CLVS1: variants seen among roughly 807,000 people sequenced by gnomAD.
CLVS1 encodes the protein clavesin 1.
In CLVS1, 10 loss-of-function variants were observed where a neutral mutation model predicts 33.1. The ratio of observed to expected loss-of-function variants is 0.30; its 90% CI spans 0.19 to 0.51. The LOEUF is 0.51. Ranked by LOEUF, CLVS1 falls within the 20% of genes least tolerant of loss-of-function variation. The probability of loss-of-function intolerance (pLI) is 0.97; values close to 1 mark genes in which losing one functional copy is unlikely to be tolerated. For synonymous variants in CLVS1, 163 were observed against 166.1 expected (o/e 0.98, Z 0.14); for missense variants, 343 against 433.4 (o/e 0.79, Z 1.85).
At chr8:61,098,402 G>GATATAT (rs59671943) in intron 1 of CLVS1, among the ~76,000 whole-genome samples, 1,458 of 143,948 alleles carry the variant, frequency 0.01, 17 homozygotes, top group African/African-American at 0.03. Context: ...TAGGGAAACT[G>GATATAT]ATATATATAT....
chr8:61,288,363 G>A, intron 1 of CLVS1: 1 of 430,342 alleles, frequency 2.3e-6, no homozygotes, highest in Non-Finnish European at 4.7e-6. Context: ...TTACACATCA[G>A]CACCCCCATC....
At chr8:61,250,223 G>T (rs1383517849) in intron 2 of CLVS1, among the ~76,000 whole-genome samples, 1 of 152,106 alleles carries the variant, frequency 6.6e-6, no homozygotes, top group Non-Finnish European at 1.5e-5. Context: ...AGATCAGATG[G>T]TTGTAGATGT....
At chr8:61,381,746 A>G (rs570322548) in intron 3 of CLVS1, among the ~76,000 whole-genome samples, 10 of 152,244 alleles carry the variant, frequency 6.6e-5, no homozygotes, top group African/African-American at 2.4e-4. Context: ...ATTTGCATCC[A>G]TGTTGCTGCA....
intron 2 of CLVS1, among the ~76,000 whole-genome samples, chr8:61,351,495 G>A (rs890325926): frequency 6.6e-6 from 1 of 152,074 alleles, no homozygotes; most frequent in African/African-American, 2.4e-5. Flanking sequence ...ATTCCAGAGG[G>A]AAAAGAGGGA....
the CLVS1 span, among the ~76,000 whole-genome samples, chr8:61,032,035 A>AT: frequency 6.6e-6 from 1 of 152,232 alleles, no homozygotes; most frequent in Non-Finnish European, 1.5e-5. Context: ...CAGGATCTTC[A>AT]TGTAAGTTCA....
intron 2 of CLVS1, among the ~76,000 whole-genome samples, chr8:61,168,172 C>T (rs114964215): frequency 0.026 from 3,995 of 152,272 alleles, 166 homozygotes; most frequent in African/African-American, 0.09. Context: ...TCTAACAACC[C>T]TGAGATCCCC....
At chr8:61,397,278 C>T (rs1814565375) in intron 3 of CLVS1, among the ~76,000 whole-genome samples, 1 of 152,042 alleles carries the variant, frequency 6.6e-6, no homozygotes, top group Non-Finnish European at 1.5e-5. Flanking sequence ...TGTGGTTTTG[C>T]TTTGCACTTT....
At chr8:60,970,994 GTTAT>G in the CLVS1 span, among the ~76,000 whole-genome samples, 1 of 147,556 alleles carries the variant, frequency 6.8e-6, no homozygotes, top group Non-Finnish European at 1.5e-5. Flanking sequence ...CTTCAGCTGA[GTTAT>G]TTATTTATAT....
chr8:60,969,579 T>G, the CLVS1 span, among the ~76,000 whole-genome samples: 1 of 152,184 alleles, frequency 6.6e-6, no homozygotes, highest in Admixed American at 6.5e-5. Flanking sequence ...AACTCAGTTT[T>G]TAAGGTTTCT....
intron 5 of CLVS1, among the ~76,000 whole-genome samples, chr8:61,471,238 C>T (rs987237241): frequency 1.3e-5 from 2 of 152,172 alleles, no homozygotes; most frequent in Admixed American, 6.5e-5. Context: ...CAAGAGCTCC[C>T]GGCTTGCTGT....
intron 2 of CLVS1, among the ~76,000 whole-genome samples, chr8:61,352,154 A>G (rs1001544430): frequency 2.2e-4 from 33 of 152,130 alleles, no homozygotes; most frequent in African/African-American, 7.7e-4. Context: ...CTTTAATGGT[A>G]ATGAAGCTTC....
intron 5 of CLVS1, among the ~76,000 whole-genome samples, chr8:61,477,968 G>C (rs886355190): frequency 1.4e-5 from 2 of 146,484 alleles, no homozygotes; most frequent in African/African-American, 5.5e-5. Flanking sequence ...ACACTGCTTT[G>C]AATGTGTCCC....
Position 61,299,904 on chromosome 8 carries a change from T to G in CLVS1, c.77T>G (p.Leu26Ter). ...GGAGATTTGGCCAAGATGACCCATTTACAGGCTGGACTCAGTCCAGAGACT... is the reference window on the plus strand; with the variant it reads ...GGAGATTTGGCCAAGATGACCCATTGACAGGCTGGACTCAGTCCAGAGACT... ...WNGDLAKMTH[L>*]QAGLSPETIE... is the part of the protein sequence containing the mutation. Residue 26 changes from leucine to a stop codon, truncating the protein, a stop_gained, in exon 2 of 6, where the codon TTA (leucine) becomes TGA (stop). Coordinates refer to ENST00000325897, the MANE Select transcript of CLVS1 (RefSeq NM_173519.3). LOFTEE classifies it high-confidence loss of function. 6.2e-7 allele frequency: 1 copy of G among 1,614,008 alleles called. No homozygotes were observed.
chr8:61,076,784 C>T (rs938561114), intron 1 of CLVS1, among the ~76,000 whole-genome samples: 2 of 152,126 alleles, frequency 1.3e-5, no homozygotes, highest in African/African-American at 2.4e-5. Context: ...TGCTGCACCA[C>T]CCCTGATATT....
At chr8:61,010,806 C>G in the CLVS1 span, among the ~76,000 whole-genome samples, 1 of 152,250 alleles carries the variant, frequency 6.6e-6, no homozygotes, top group Non-Finnish European at 1.5e-5. Context: ...ACAATCCTCT[C>G]AGGTTCCTGT....
intron 2 of CLVS1, among the ~76,000 whole-genome samples, chr8:61,152,824 A>G (rs1174546190): frequency 6.6e-6 from 1 of 152,250 alleles, no homozygotes; most frequent in African/African-American, 2.4e-5. Flanking sequence ...GGTTCAATAT[A>G]TGAATTTTGG....
At chr8:61,432,827 G>T (rs990339536) in intron 3 of CLVS1, among the ~76,000 whole-genome samples, 1 of 152,176 alleles carries the variant, frequency 6.6e-6, no homozygotes, top group Non-Finnish European at 1.5e-5. Context: ...GAGGATGTAG[G>T]TTGAAGAAAA....
chr8:61,243,920 T>G (rs558022097), intron 2 of CLVS1, among the ~76,000 whole-genome samples: 1 of 152,356 alleles, frequency 6.6e-6, no homozygotes, highest in South Asian at 2.1e-4. Flanking sequence ...CTCATACATT[T>G]TTAAGATCTT....
chr8:61,451,924 T>C (rs1816979437), intron 3 of CLVS1, among the ~76,000 whole-genome samples: 1 of 152,044 alleles, frequency 6.6e-6, no homozygotes, highest in African/African-American at 2.4e-5. Context: ...CAGAAGGCCT[T>C]TCATGTGACT....
Sources: allele counts gnomAD v4.1 joint callset (sites outside exome capture counted in the v4.1 genomes callset), GRCh38; gene constraint gnomAD v4.1.1; transcripts MANE v1.5; gene names NCBI Gene and HGNC (gene_info 2026-07-23, HGNC 2026-07-21).